The following CTBP2 variants were observed in gnomAD, a reference collection of about 807,000 sequenced individuals.
The protein encoded by CTBP2 is C-terminal-binding protein 2.
In CTBP2, 30 loss-of-function variants were observed where a neutral mutation model predicts 80.3. The observed-to-expected ratio is 0.37, with a 90% CI of 0.28 to 0.51. CTBP2 has a LOEUF of 0.51. Ranked by LOEUF, CTBP2 falls within the 20% of genes least tolerant of loss-of-function variation. The pLI, the probability that CTBP2 is intolerant of heterozygous loss-of-function variation, is 0.93. For synonymous variants in CTBP2, 594 were observed against 587.4 expected, an observed-to-expected ratio of 1.01 and a Z score of -0.16; for missense variants, 1,212 against 1,375.3, an observed-to-expected ratio of 0.88 and a Z score of 1.88.
Position 125,045,545 on chromosome 10 carries a change from C to T in CTBP2, c.-101-6390G>A, listed in dbSNP as rs543903806. Among the ~76,000 whole-genome samples, 31 of 152,140 alleles carry T rather than the reference C, an allele frequency of 2.0e-4. No individual in the cohort carries two copies. The Middle Eastern group carries it at 0.01, about 50-fold the overall frequency. On this transcript the variant is annotated intron_variant, in intron 2 of 10. Transcript: ENST00000337195. ...TCTTTCTTTTTTGGAGACAGATTCTCACTTTGTTGCCCAGGGAATCTCAGC... is the reference window on the plus strand; with the variant it reads ...TCTTTCTTTTTTGGAGACAGATTCTTACTTTGTTGCCCAGGGAATCTCAGC...
intron 2 of CTBP2, among the ~76,000 whole-genome samples, chr10:125,045,769 C>T (rs935593795): frequency 1.1e-4 from 16 of 152,146 alleles, no homozygotes; most frequent in Admixed American, 8.5e-4. Flanking sequence ...GGATTACAGG[C>T]GTGAGCCACC....
At chr10:124,993,763 G>A in intron 6 of CTBP2, 92 bp downstream of exon 8, 10 of 1,464,648 alleles carry the variant, frequency 6.8e-6, no homozygotes, top group Non-Finnish European at 9.2e-6. Flanking sequence ...CCAGGGACCT[G>A]TTTGGGAAAA....
At chr10:125,029,266 C>T (rs1220346381), upstream of CTBP2, among the ~76,000 whole-genome samples, 1 of 145,260 alleles carries the variant, frequency 6.9e-6, no homozygotes, top group East Asian at 2.0e-4. Flanking sequence ...TTTTTGAGAC[C>T]GAGTTTTGCT....
At chr10:125,063,426 CA>C (rs1384152549) in intron 2 of CTBP2, among the ~76,000 whole-genome samples, 1 of 152,148 alleles carries the variant, frequency 6.6e-6, no homozygotes, top group Admixed American at 6.5e-5. Context: ...GAGGAACCAA[CA>C]AAAGCTGGCA....
Position 125,147,901 on chromosome 10 carries a change from G to GA in CTBP2, c.-206+12417dup, listed in dbSNP as rs111638054. Among the ~76,000 whole-genome samples, 300 of 147,378 alleles carry GA rather than the reference G, an allele frequency of 2.0e-3. 2 individuals carry two copies. The highest frequency in any genetic ancestry group is 0.011 in the Admixed American group (168 of 14,880). On this transcript the variant is annotated intron_variant, in intron 1 of 10. Coordinates refer to the CTBP2 transcript ENST00000337195. Reference sequence around the variant, plus strand: ...CGACACGGTGAAACCCCCATCTCGGGAAAAAAAAAAATTCTAACAAACACA... The same window carrying GA: ...CGACACGGTGAAACCCCCATCTCGGGAAAAAAAAAAAATTCTAACAAACACA...
intron 2 of CTBP2, among the ~76,000 whole-genome samples, chr10:125,090,250 T>C (rs1200888076): frequency 2.9e-5 from 4 of 135,762 alleles, no homozygotes; most frequent in African/African-American, 1.2e-4. Flanking sequence ...ATCATGCCAC[T>C]GTACTACAGT....
chr10:125,003,464 G>A lies in CTBP2; in HGVS notation c.1707C>T (p.Pro569=), dbSNP rs2134278998. Residue 569 remains proline, a synonymous_variant, in exon 2 of 9, where the codon CCC becomes CCT. Transcript: ENST00000309035. ...GCGCCACCAGGGGGCGGGGGTGCAG[G>A]GGGCCGTTCATGATCTGGGGGCGGA... is the stretch of plus-strand genomic sequence containing the variant. 3 of 1,576,254 alleles carry A rather than the reference G, an allele frequency of 1.9e-6. No homozygotes were observed. The East Asian group carries it at 6.7e-5, about 35-fold the overall frequency.
chr10:125,054,490 C>T (rs923838854), intron 2 of CTBP2, among the ~76,000 whole-genome samples: 2 of 152,202 alleles, frequency 1.3e-5, no homozygotes, highest in African/African-American at 4.8e-5. Context: ...GATGAGACCA[C>T]AACCCCACTG....
intron 1 of CTBP2, among the ~76,000 whole-genome samples, chr10:125,022,793 G>A (rs1385127125): frequency 6.6e-6 from 1 of 152,218 alleles, no homozygotes; most frequent in Non-Finnish European, 1.5e-5. Context: ...GGGGAAGCCT[G>A]CCGAAGGTTT....
At chr10:125,140,591 G>C (rs1306068293) in intron 1 of CTBP2, among the ~76,000 whole-genome samples, 4 of 152,340 alleles carry the variant, frequency 2.6e-5, no homozygotes, top group Non-Finnish European at 5.9e-5. Context: ...GGGAGGCCAA[G>C]GTGGGTGGAT....
intron 2 of CTBP2, among the ~76,000 whole-genome samples, chr10:125,096,715 CA>C (rs1417671740): frequency 1.6e-5 from 2 of 126,532 alleles, no homozygotes; most frequent in African/African-American, 6.1e-5. Context: ...GTAAGAAATA[CA>C]AAAGTCTACA....
chr10:125,056,961 C>G (rs1444622104), intron 2 of CTBP2, among the ~76,000 whole-genome samples: 2 of 152,224 alleles, frequency 1.3e-5, no homozygotes, highest in African/African-American at 4.8e-5. Flanking sequence ...TTCTCCATCA[C>G]ACCTTCCCGA....
At chr10:124,994,432 T>C (rs1384474467) in intron 5 of CTBP2, 37 bp downstream of exon 7, 2 of 1,603,792 alleles carry the variant, frequency 1.2e-6, no homozygotes, top group Non-Finnish European at 1.7e-6. Context: ...CTACCACCTT[T>C]CGACAGAAGC....
chr10:125,079,360 G>A (rs1488560064), intron 2 of CTBP2, among the ~76,000 whole-genome samples: 1 of 152,048 alleles, frequency 6.6e-6, no homozygotes, highest in African/African-American at 2.4e-5. Flanking sequence ...TCCTCTCCAG[G>A]GAGGAAAATG....
rs1186452254 is a variant in CTBP2 at position 124,998,119 on chromosome 10, G to A, written c.2030C>T (p.Ser677Phe). 1 of 1,612,204 alleles carries A rather than the reference G, an allele frequency of 6.2e-7. No individual in the cohort carries two copies. The highest frequency in any genetic ancestry group is 8.5e-7 in the Non-Finnish European group (1 of 1,179,536). ...CAGGTTGAGGATGTGGCAGATGGTA[G>A]AGTCCGCTGTCTCTTCCACGGCTGC... The change falls in exon 4 of 9, where the codon TCT (serine) becomes TTT (phenylalanine). Residue 677 changes from serine to phenylalanine, a missense_variant. By Grantham distance (155) the Ser-to-Phe change is radical (BLOSUM62 -2). This residue lies in a region of CTBP2 where 335 missense variants were observed against 504.7 expected (regional missense o/e 0.66). Coordinates refer to ENST00000309035, the MANE Select transcript of CTBP2 (RefSeq NM_022802.3).
intron 2 of CTBP2, among the ~76,000 whole-genome samples, chr10:125,068,515 C>T (rs976990942): frequency 6.6e-6 from 1 of 152,222 alleles, no homozygotes; most frequent in Non-Finnish European, 1.5e-5. Flanking sequence ...CACTAACACA[C>T]AGGCCACAGG....
chr10:125,105,083 C>T lies in CTBP2; in HGVS notation c.-102+5907G>A, dbSNP rs996223643. ...GGGTGTGATCACAGTGCACTGCAGA[C>T]GTGAGCTCCCAGGCTCACACAATCT... On this transcript the variant is annotated intron_variant, in intron 2 of 10. Coordinates refer to the CTBP2 transcript ENST00000337195. Among the ~76,000 whole-genome samples, 112 of 152,244 alleles carry T rather than the reference C, an allele frequency of 7.4e-4. 1 individual carries two copies. Among genetic ancestry groups the T allele is most frequent in the South Asian group, 2.1e-4 (1 of 4,832 alleles).
chr10:125,027,535 A>G lies in CTBP2; in HGVS notation c.225T>C (p.Val75=). ...CCTTTCTTGCAGCCACTGAGTTATAAACGGCCTCCCGGTACAGGTAGGGCT... is the reference window on the plus strand; with the variant it reads ...CCTTTCTTGCAGCCACTGAGTTATAGACGGCCTCCCGGTACAGGTAGGGCT... The change falls in exon 1 of 9, where the codon GTT becomes GTC. Residue 75 remains valine (V), a synonymous_variant. Transcript: ENST00000309035. 3.7e-6 allele frequency: 6 copies of G among 1,613,970 alleles called. No individual in the cohort carries two copies. The highest frequency in any genetic ancestry group is 1.3e-5 in the African/African-American group (1 of 74,976).
chr10:125,062,544 G>A (rs1965178072), intron 2 of CTBP2, among the ~76,000 whole-genome samples: 1 of 151,572 alleles, frequency 6.6e-6, no homozygotes, highest in Non-Finnish European at 1.5e-5. Flanking sequence ...TAGAGTTAGG[G>A]TTAGGGTCGC....
Sources: gnomAD v4.1 joint callset for allele counts (sites outside exome capture counted in the v4.1 genomes callset) on GRCh38, gnomAD v4.1.1 for gene constraint, gnomAD v4.1.1 regional missense constraint, MANE v1.5 for transcripts, NCBI Gene and HGNC (gene_info 2026-07-23, HGNC 2026-07-21) for gene names.